CREB3L2: variants seen among roughly 807,000 people sequenced by gnomAD.
The protein encoded by CREB3L2 is cAMP responsive element binding protein 3 like 2.
A neutral mutation model predicts 57.2 loss-of-function variants in CREB3L2; 23 were observed. That is an observed-to-expected ratio of 0.40 (90% CI 0.29 to 0.57). CREB3L2 has a LOEUF of 0.57. CREB3L2 is among the 20% of genes least tolerant of loss of function. CREB3L2 has a pLI of 0.42. For missense variants in CREB3L2, 628 were observed against 634.7 expected, an observed-to-expected ratio of 0.99 and a Z score of 0.11; for synonymous variants, 268 against 265.1, an observed-to-expected ratio of 1.01 and a Z score of -0.11.
At chr7:137,896,390 C>A (rs529444801) in intron 8 of CREB3L2, among the ~76,000 whole-genome samples, 21 of 152,314 alleles carry the variant, frequency 1.4e-4, no homozygotes, top group African/African-American at 4.1e-4. Context: ...TAACCTCCGT[C>A]TCCCAGGTTC....
intron 1 of CREB3L2, among the ~76,000 whole-genome samples, chr7:137,962,174 T>G (rs1801334360): frequency 6.6e-6 from 1 of 152,180 alleles, no homozygotes; most frequent in Admixed American, 6.5e-5. Context: ...GACACTAAAC[T>G]CATGAAGCAG....
intron 1 of CREB3L2, among the ~76,000 whole-genome samples, chr7:137,988,331 G>A (rs918433833): frequency 2.0e-5 from 3 of 152,238 alleles, no homozygotes; most frequent in Non-Finnish European, 2.9e-5. Flanking sequence ...CCTGAAACCT[G>A]GGCATTGCCA....
intron 10 of CREB3L2, chr7:137,884,628 A>G (rs1799371018): frequency 3.7e-6 from 2 of 547,682 alleles, no homozygotes; most frequent in South Asian, 4.6e-5. Flanking sequence ...AATTCCACTC[A>G]GTGGAGGCAG....
chr7:137,908,464 A>G, intron 4 of CREB3L2, 28 bp from the exon 5 acceptor site: 1 of 1,250,284 alleles, frequency 8.0e-7, no homozygotes, highest in Non-Finnish European at 1.0e-6. Flanking sequence ...CATCTCATCC[A>G]TCCCAGAGCC....
At chr7:137,902,510 C>T (rs565098577) in intron 7 of CREB3L2, among the ~76,000 whole-genome samples, 1 of 152,270 alleles carries the variant, frequency 6.6e-6, no homozygotes, top group Non-Finnish European at 1.5e-5. Context: ...TTCATAGGAA[C>T]ATCTTGACCC....
At position 137,880,965 on chromosome 7, in the gene CREB3L2, T is replaced by C. The variant is rs1165624453; in HGVS notation, c.1488-414A>G. On this transcript the variant is annotated intron_variant, in intron 11 of 11. Coordinates refer to ENST00000330387, the MANE Select transcript of CREB3L2 (RefSeq NM_194071.4). This position sits in a 1 kb window ranked among gnomAD's most constrained non-coding sequence, Gnocchi z 4.0. Reference sequence around the variant, plus strand: ...ATAAAGATTTTTAACAATGAGCTAATTTGAAATAATAATAAATCCATAACA... The same window carrying C: ...ATAAAGATTTTTAACAATGAGCTAACTTGAAATAATAATAAATCCATAACA... Among the ~76,000 whole-genome samples the C allele has an allele frequency of 2.0e-5, 3 of 152,218 alleles. No individual in the cohort carries two copies. Among genetic ancestry groups the C allele is most frequent in the Non-Finnish European group, 4.4e-5 (3 of 68,040 alleles).
intron 1 of CREB3L2, among the ~76,000 whole-genome samples, chr7:137,939,163 G>A (rs1800841168): frequency 6.6e-6 from 1 of 152,128 alleles, no homozygotes; most frequent in Non-Finnish European, 1.5e-5. Context: ...ATAATGCGAA[G>A]AAAATTTAAT....
At chr7:137,897,803 T>C (rs1373632338) in intron 8 of CREB3L2, among the ~76,000 whole-genome samples, 2 of 152,238 alleles carry the variant, frequency 1.3e-5, no homozygotes, top group Non-Finnish European at 2.9e-5. Context: ...TTCCAAAACA[T>C]AAAGATACCT....
chr7:137,914,754 T>G (rs1800090093), intron 3 of CREB3L2, among the ~76,000 whole-genome samples: 2 of 152,190 alleles, frequency 1.3e-5, no homozygotes, highest in Non-Finnish European at 2.9e-5. Flanking sequence ...CTAGCACACT[T>G]GCAGAGGCCT....
In CREB3L2 at chr7:137,908,288, G is replaced by T. The variant is rs772407010; in HGVS notation, c.732C>A (p.Ser244=). 2 of 1,259,892 alleles carry T rather than the reference G, an allele frequency of 1.6e-6. No individual in the cohort carries two copies. The highest frequency in any genetic ancestry group is 3.0e-5 in the East Asian group (1 of 33,570). 78.0% of individuals were successfully genotyped at this position (1,259,892 alleles called of 1,614,324 possible). The change falls in exon 5 of 12, where the codon TCC becomes TCA. Residue 244 remains serine (S), a synonymous_variant. Coordinates refer to ENST00000330387, the MANE Select transcript of CREB3L2 (RefSeq NM_194071.4). ...TGAGGAGAGGGGAGCTGGAGAGGGCGGAGGGGGCCCGGGGTGCAGCTCTGG... is the reference window on the plus strand; with the variant it reads ...TGAGGAGAGGGGAGCTGGAGAGGGCTGAGGGGGCCCGGGGTGCAGCTCTGG... The part of the protein sequence containing the change: ...SPSRAAPRAP[S]ALSSSPLLTA...
chr7:137,887,447 G>T (rs368585291), intron 8 of CREB3L2, among the ~76,000 whole-genome samples: 2 of 152,166 alleles, frequency 1.3e-5, no homozygotes, highest in Non-Finnish European at 2.9e-5. Context: ...GGTGGCTCAC[G>T]CCTGTAATCC....
At chr7:137,935,966 C>T (rs1800773033) in intron 1 of CREB3L2, 1 of 981,186 alleles carries the variant, frequency 1.0e-6, no homozygotes, top group East Asian at 1.1e-4. Flanking sequence ...TGGGCCACTT[C>T]CTGCTGCTAA....
intron 1 of CREB3L2, among the ~76,000 whole-genome samples, chr7:137,963,698 A>G (rs1801361760): frequency 6.6e-6 from 1 of 152,198 alleles, no homozygotes; most frequent in Non-Finnish European, 1.5e-5. Context: ...ATTTTCCCCC[A>G]GGATCTTTTG....
Position 137,912,998 on chromosome 7 carries a change from A to G in CREB3L2, c.576T>C (p.Pro192=). The change falls in exon 4 of 12, where the codon CCT becomes CCC. Residue 192 remains proline, a synonymous_variant. Coordinates refer to ENST00000330387, the MANE Select transcript of CREB3L2 (RefSeq NM_194071.4). ...HEVDQFLNFS[P]KEAPVDHLHL... Reference sequence around the variant, plus strand: ...CAGGGAGGGCAGACAGACCTTCTTTAGGAGAGAAGTTTAGAAACTGATCCA... The same window carrying G: ...CAGGGAGGGCAGACAGACCTTCTTTGGGAGAGAAGTTTAGAAACTGATCCA... The G allele has an allele frequency of 1.9e-6, 3 of 1,613,720 alleles. No individual in the cohort carries two copies. The highest frequency in any genetic ancestry group is 1.1e-5 in the South Asian group (1 of 91,050).
chr7:137,996,750 G>A (rs1303968391), intron 1 of CREB3L2, among the ~76,000 whole-genome samples: 1 of 152,090 alleles, frequency 6.6e-6, no homozygotes, highest in Non-Finnish European at 1.5e-5. Context: ...CACTGTCTGG[G>A]ACCAGTGGTT....
Position 137,886,075 on chromosome 7 carries a change from C to A in CREB3L2, c.1044-573G>T, listed in dbSNP as rs370357966. Among the ~76,000 whole-genome samples, 95 of 152,292 alleles carry A rather than the reference C, an allele frequency of 6.2e-4. 1 individual carries two copies. In the South Asian group the frequency reaches 0.016, roughly 25 times the overall value. ...CCAGAAAGCAGGCCCTCGCCCAACA[C>A]GGAATCTCCCAACACTTTTATCTTG... On this transcript the variant is annotated intron_variant, in intron 8 of 11. Coordinates refer to ENST00000330387, the MANE Select transcript of CREB3L2 (RefSeq NM_194071.4).
At chr7:137,977,919 A>C (rs936706063) in intron 1 of CREB3L2, among the ~76,000 whole-genome samples, 10 of 150,898 alleles carry the variant, frequency 6.6e-5, no homozygotes, top group Non-Finnish European at 1.5e-4. Context: ...AGACTAAGAA[A>C]GAAAAGAAAG....
chr7:137,963,677 G>C (rs1801361195), intron 1 of CREB3L2, among the ~76,000 whole-genome samples: 1 of 152,052 alleles, frequency 6.6e-6, no homozygotes, highest in Non-Finnish European at 1.5e-5. Flanking sequence ...TCTGGCCATG[G>C]AGCTTACCTA....
rs777132283 is a variant in CREB3L2 at position 137,879,317 on chromosome 7, C to T, written c.*1159G>A. ...CACCCTGCTTTGTTGAGGTAGGGGA[C>T]GAGGAGGACAAAGTGGAAGTGTGGA... On this transcript the variant is annotated 3_prime_UTR_variant, in exon 12 of 12. Transcript: ENST00000330387. The T allele has an allele frequency of 4.0e-5, 21 of 521,742 alleles. No homozygotes were observed. The highest frequency in any genetic ancestry group is 7.9e-5 in the East Asian group (2 of 25,460). 32.3% of individuals were successfully genotyped at this position (521,742 alleles called of 1,614,324 possible). A position where few individuals can be genotyped will look rare whatever the true frequency, so the allele number is the denominator to read the frequency against.
Sources: allele counts gnomAD v4.1 joint callset (sites outside exome capture counted in the v4.1 genomes callset), GRCh38; gene constraint gnomAD v4.1.1; non-coding constraint Gnocchi (gnomAD v3.1); transcripts MANE v1.5; gene names NCBI Gene and HGNC (gene_info 2026-07-23, HGNC 2026-07-21).